Variants in LRP2 observed in about 807,000 individuals in gnomAD.
The protein encoded by LRP2 is low-density lipoprotein receptor-related protein 2.
In LRP2, 172 loss-of-function variants were observed where a neutral mutation model predicts 531.0. That is an observed-to-expected ratio of 0.32 (90% CI 0.29 to 0.37). The LOEUF is 0.37. Ranked by LOEUF, LRP2 falls within the 10% of genes least tolerant of loss-of-function variation. The pLI is 1.00. For missense variants in LRP2, 5,167 were observed against 5,868.3 expected (o/e 0.88, Z 3.90); for synonymous variants, 1,992 against 2,027.6 (o/e 0.98, Z 0.47).
chr2:169,325,059 CA>C (rs5836231), intron 1 of LRP2, among the ~76,000 whole-genome samples: 10,281 of 75,590 alleles, frequency 0.14, 309 homozygotes, highest in Non-Finnish European at 0.17. Context: ...AAGTTTTTTT[CA>C]AAAAAAAAAA....
chr2:169,214,029 G>A (rs2302695), intron 35 of LRP2, among the ~76,000 whole-genome samples, 159 bp from the exon 36 acceptor site: 33 of 151,886 alleles, frequency 2.2e-4, no homozygotes, highest in Middle Eastern at 6.8e-3. Context: ...TCATCACAAC[G>A]ACACCAAGCA....
At chr2:169,306,254 C>A (rs1302519876) in intron 4 of LRP2, among the ~76,000 whole-genome samples, 1 of 152,176 alleles carries the variant, frequency 6.6e-6, no homozygotes, top group East Asian at 1.9e-4. Flanking sequence ...AAACTAGGGG[C>A]CAGACACAGT....
At chr2:169,255,614 T>TA (rs893091612) in intron 19 of LRP2, among the ~76,000 whole-genome samples, 1 of 152,292 alleles carries the variant, frequency 6.6e-6, no homozygotes, top group East Asian at 1.9e-4. Context: ...ACATTTTGAA[T>TA]AAAAAAGTTT....
At chr2:169,209,775 T>A (rs983650490) in intron 37 of LRP2, 134 bp from the exon 38 acceptor site, 29 of 881,908 alleles carry the variant, frequency 3.3e-5, no homozygotes, top group Non-Finnish European at 5.1e-5. Context: ...GAAACCCTTT[T>A]TTCCCAGTTG....
rs552215724 is a variant in LRP2, at chr2:169,166,138, C to A, written c.11636-84G>T. ...ATCTAAAATACTCCAGTGTCAGCAC[C>A]AGGCTTGCTTCATTCATGCACTCAT... On this transcript the variant is annotated intron_variant, in intron 61 of 78. Coordinates refer to ENST00000649046, the MANE Select transcript of LRP2 (RefSeq NM_004525.3). 4.1e-6 allele frequency: 6 copies of A among 1,450,814 alleles called. No homozygotes were observed. The African/African-American group carries it at 8.4e-5, about 20-fold the overall frequency. The allele number at this position is 1,450,814 out of a possible 1,614,324, so 89.9% of individuals were successfully genotyped here.
intron 70 of LRP2, among the ~76,000 whole-genome samples, 186 bp downstream of exon 70, chr2:169,145,561 T>C (rs1322272967): frequency 6.6e-6 from 1 of 152,220 alleles, no homozygotes; most frequent in East Asian, 1.9e-4. Flanking sequence ...ACCAATTTTA[T>C]CTTTCTTTGG....
At chr2:169,318,074 C>T (rs1354292813) in intron 3 of LRP2, among the ~76,000 whole-genome samples, 1 of 151,960 alleles carries the variant, frequency 6.6e-6, no homozygotes, top group Non-Finnish European at 1.5e-5. Flanking sequence ...GAGACCCTGA[C>T]TCTAAAAATA....
chr2:169,167,529 C>T (rs1686828098), intron 61 of LRP2, among the ~76,000 whole-genome samples: 1 of 152,096 alleles, frequency 6.6e-6, no homozygotes, highest in East Asian at 1.9e-4. Flanking sequence ...GATTGCTGGG[C>T]CCTTAATTTT....
chr2:169,298,306 A>C (rs1457948373), intron 4 of LRP2, among the ~76,000 whole-genome samples: 1 of 152,148 alleles, frequency 6.6e-6, no homozygotes, highest in Non-Finnish European at 1.5e-5. Context: ...TTTCATCTTC[A>C]TAACAACTTC....
chr2:169,323,691 A>G (rs1684963916), intron 1 of LRP2, among the ~76,000 whole-genome samples: 1 of 152,092 alleles, frequency 6.6e-6, no homozygotes, highest in Non-Finnish European at 1.5e-5. Flanking sequence ...GGAGAAAAAA[A>G]AAATCTACAT....
At chr2:169,133,596 AT>A (rs35672541) in intron 76 of LRP2, among the ~76,000 whole-genome samples, 106,845 of 152,008 alleles carry the variant, frequency 0.7, 38,061 homozygotes, top group Non-Finnish European at 0.76. Context: ...CAAAAGGAGC[AT>A]TAGGTGTTAA....
intron 1 of LRP2, among the ~76,000 whole-genome samples, chr2:169,344,062 A>G (rs372577462): frequency 2.0e-5 from 3 of 152,180 alleles, no homozygotes; most frequent in East Asian, 3.8e-4. Context: ...AGAGAATGCA[A>G]TGGCATATTC....
Position 169,128,483 on chromosome 2 carries a change from A to G in LRP2, c.*180T>C. 1.7e-6 allele frequency: 1 copy of G among 604,696 alleles called. No individual in the cohort carries two copies. The highest frequency in any genetic ancestry group is 2.9e-6 in the Non-Finnish European group (1 of 344,246). 37.5% of individuals were successfully genotyped at this position (604,696 alleles called of 1,614,324 possible). A position where few individuals can be genotyped will look rare whatever the true frequency, so the allele number is the denominator to read the frequency against. On this transcript the variant is annotated 3_prime_UTR_variant, in exon 79 of 79. Coordinates refer to ENST00000649046, the MANE Select transcript of LRP2 (RefSeq NM_004525.3). ...ATACATATAGTACATTGTGATAATTATTTGTAAAAATATGAGACGGCATAA... is the reference window on the plus strand; with the variant it reads ...ATACATATAGTACATTGTGATAATTGTTTGTAAAAATATGAGACGGCATAA...
intron 33 of LRP2, among the ~76,000 whole-genome samples, chr2:169,222,033 G>A (rs181716710): frequency 6.6e-6 from 1 of 152,050 alleles, no homozygotes; most frequent in East Asian, 1.9e-4. Flanking sequence ...TTTTCAAGTT[G>A]GAGTTAAACA....
At position 169,188,060 on chromosome 2, in the gene LRP2, A is replaced by G; in HGVS notation, c.9238T>C (p.Phe3080Leu). The G allele has an allele frequency of 9.3e-6, 15 of 1,613,660 alleles. No homozygotes were observed. Among genetic ancestry groups the G allele is most frequent in the Non-Finnish European group, 1.3e-5 (15 of 1,179,888 alleles). ...TPEPTCPPHE[F>L]KCDNGRCIEM... ...ATGCAGCGCCCATTGTCACACTTGA[A>G]CTCGTGAGGTGGACACGTGGGTTCT... The change falls in exon 49 of 79, where the codon TTC (phenylalanine) becomes CTC (leucine). Residue 3080 changes from phenylalanine (F) to leucine (L), a missense_variant. This residue lies in a region of LRP2 where 1,129 missense variants were observed against 1,362.7 expected (regional missense o/e 0.83). Transcript: ENST00000649046.
At chr2:169,237,059 T>C (rs1444696730) in intron 28 of LRP2, 44 bp downstream of exon 28, 1 of 1,517,118 alleles carries the variant, frequency 6.6e-7, no homozygotes, top group Admixed American at 1.7e-5. Flanking sequence ...TTTTCCCTCA[T>C]CATAACCATG....
chr2:169,242,630 A>G (rs573971240), intron 24 of LRP2, among the ~76,000 whole-genome samples: 23 of 152,344 alleles, frequency 1.5e-4, no homozygotes, highest in African/African-American at 3.4e-4. Context: ...AAATATCTTT[A>G]TATGGAGTAG....
chr2:169,236,104 G>T, intron 28 of LRP2, 36 bp from the exon 29 acceptor site: 1 of 1,405,564 alleles, frequency 7.1e-7, no homozygotes, highest in Non-Finnish European at 1.0e-6. Context: ...TGGAGGGGAC[G>T]TATTTAAATA....
At chr2:169,338,671 A>G (rs1191516446) in intron 1 of LRP2, among the ~76,000 whole-genome samples, 5 of 152,238 alleles carry the variant, frequency 3.3e-5, no homozygotes, top group African/African-American at 7.2e-5. Context: ...CATTCTGCCC[A>G]GCATGTCTAA....
Sources: gnomAD v4.1 joint callset for allele counts (sites outside exome capture counted in the v4.1 genomes callset) on GRCh38, gnomAD v4.1.1 for gene constraint, gnomAD v4.1.1 regional missense constraint, MANE v1.5 for transcripts, NCBI Gene and HGNC (gene_info 2026-07-23, HGNC 2026-07-21) for gene names.